Variants in NIPSNAP3B observed in about 807,000 individuals in gnomAD.
NIPSNAP3B encodes nipsnap homolog 3B, also known as protein NipSnap homolog 3B.
In NIPSNAP3B, 30 loss-of-function variants were observed where a neutral mutation model predicts 31.5. The ratio of observed to expected loss-of-function variants is 0.95; its 90% CI spans 0.71 to 1.29. The LOEUF (loss-of-function observed/expected upper bound fraction) is 1.29, where lower values mean the gene tolerates loss of function less well. Among genes scored for constraint, NIPSNAP3B ranks in the 50% most tolerant of loss-of-function variants. The pLI is 0.00. For missense variants in NIPSNAP3B, 269 were observed against 300.7 expected, an observed-to-expected ratio of 0.89 and a Z score of 0.78; for synonymous variants, 106 against 107.9, an observed-to-expected ratio of 0.98 and a Z score of 0.11.
chr9:104,787,727 C>T, the NIPSNAP3B span: 1 of 554,060 alleles, frequency 1.8e-6, no homozygotes, highest in Non-Finnish European at 2.3e-6. Context: ...TATTTGGGAG[C>T]ATCTGCAGGC....
intron 4 of NIPSNAP3B, among the ~76,000 whole-genome samples, chr9:104,771,674 T>C (rs1431829281): frequency 2.0e-5 from 3 of 152,220 alleles, no homozygotes; most frequent in Non-Finnish European, 4.4e-5. Flanking sequence ...TTGTGAATAG[T>C]GCTGCAGTGA....
At chr9:104,789,807 A>G in the NIPSNAP3B span, among the ~76,000 whole-genome samples, 2 of 152,156 alleles carry the variant, frequency 1.3e-5, no homozygotes, top group Non-Finnish European at 2.9e-5. Flanking sequence ...TAATAAGTCC[A>G]GAGAAGCCGG....
the NIPSNAP3B span, among the ~76,000 whole-genome samples, chr9:104,788,250 C>G: frequency 6.6e-6 from 1 of 152,160 alleles, no homozygotes; most frequent in Non-Finnish European, 1.5e-5. Context: ...CCCACCCAGC[C>G]CTGCCCCACC....
At chr9:104,786,511 G>T in the NIPSNAP3B span, 1 of 879,372 alleles carries the variant, frequency 1.1e-6, no homozygotes, top group Non-Finnish European at 1.9e-6. Context: ...AGTACATGTG[G>T]ATATAGGGAT....
chr9:104,790,886 TC>T, the NIPSNAP3B span: 1 of 1,378,464 alleles, frequency 7.3e-7, no homozygotes, highest in Non-Finnish European at 1.0e-6. Context: ...AAAAACAAAG[TC>T]TTTGCAGCAA....
At chr9:104,785,542 C>A in the NIPSNAP3B span, 1 of 1,570,082 alleles carries the variant, frequency 6.4e-7, no homozygotes. Context: ...TCTTTTAGAA[C>A]ACTTCCAGGA....
chr9:104,784,231 CT>C, the NIPSNAP3B span: 1 of 1,568,320 alleles, frequency 6.4e-7, no homozygotes. Flanking sequence ...CAACTTCTGG[CT>C]CTTTTCTCCA....
rs963476356 is a variant in NIPSNAP3B at position 104,773,700 on chromosome 9, A to T, written c.*627A>T. On this transcript the variant is annotated 3_prime_UTR_variant, in exon 6 of 6. Transcript: ENST00000374762. ...ATCTAGAAAAGACTTGTTGGTTTAT[A>T]TGCTGAAATTGTTCATTTATAATTA... 3 of 152,190 alleles carry T rather than the reference A, an allele frequency of 2.0e-5. No individual in the cohort carries two copies. The highest frequency in any genetic ancestry group is 4.4e-5 in the Non-Finnish European group (3 of 68,012). 9.4% of individuals were successfully genotyped at this position (152,190 alleles called of 1,614,324 possible). A position where few individuals can be genotyped will look rare whatever the true frequency, so the allele number is the denominator to read the frequency against.
downstream of NIPSNAP3B, among the ~76,000 whole-genome samples, chr9:104,779,627 T>TG (rs1828418472): frequency 6.6e-6 from 1 of 151,954 alleles, no homozygotes. Context: ...GTGGGTTTTT[T>TG]TTTTTTTTTT....
At chr9:104,786,457 G>A in the NIPSNAP3B span, 1 of 1,358,006 alleles carries the variant, frequency 7.4e-7, no homozygotes, top group Non-Finnish European at 1.1e-6. Context: ...ACATCACCAT[G>A]ACTTCCAGCA....
Position 104,764,203 on chromosome 9 carries a change from ACTCGGCTGG to A in NIPSNAP3B, c.-35_-27del. ...AGACTTCAGAGAAGTCTCACAAAGG[ACTCGGCTGG>A]CTGCTTTTCTCAGTGCCGAAGCCGC... On this transcript the variant is annotated 5_prime_UTR_variant, in exon 1 of 6. Transcript: ENST00000374762. 6.3e-7 allele frequency: 1 copy of A among 1,578,936 alleles called. No individual in the cohort carries two copies. The highest frequency in any genetic ancestry group is 8.6e-7 in the Non-Finnish European group (1 of 1,162,158).
At position 104,764,642 on chromosome 9, in the gene NIPSNAP3B, C is replaced by A. The variant is rs370984588; in HGVS notation, c.60+342C>A. ...GCAACCTCCGCCTCCCGGGTTCAAG[C>A]GATTCTCCTGCCTCATCCTCCGGAG... On this transcript the variant is annotated intron_variant, in intron 1 of 5. Coordinates refer to ENST00000374762, the MANE Select transcript of NIPSNAP3B (RefSeq NM_018376.4). Among the ~76,000 whole-genome samples, 24 of 152,188 alleles carry A rather than the reference C, an allele frequency of 1.6e-4. No homozygotes were observed. In the East Asian group the frequency reaches 4.2e-3, roughly 27 times the overall value.
chr9:104,777,222 C>G lies in NIPSNAP3B; in HGVS notation c.*4149C>G, dbSNP rs1343779313. The G allele has an allele frequency of 6.6e-6, 1 of 152,246 alleles. No individual in the cohort carries two copies. The highest frequency in any genetic ancestry group is 1.5e-5 in the Non-Finnish European group (1 of 68,050). The allele number at this position is 152,246 out of a possible 1,614,324, so 9.4% of individuals were successfully genotyped here. ...CAAATGCCACTTGTAGACTCAAACT[C>G]TGGACTTCATTCTCAGCACCATCTC... On this transcript the variant is annotated 3_prime_UTR_variant, in exon 6 of 6. Coordinates refer to ENST00000374762, the MANE Select transcript of NIPSNAP3B (RefSeq NM_018376.4).
the NIPSNAP3B span, chr9:104,787,710 G>T: frequency 3.0e-6 from 1 of 334,412 alleles, no homozygotes; most frequent in Non-Finnish European, 4.3e-6. Context: ...AGTGCTTGGA[G>T]TGCCTCTATT....
chr9:104,784,307 A>T, the NIPSNAP3B span: 1 of 1,614,068 alleles, frequency 6.2e-7, no homozygotes, highest in African/African-American at 1.3e-5. Context: ...CCGTATGAAC[A>T]GGATTCTTCA....
At chr9:104,788,891 G>A in the NIPSNAP3B span, among the ~76,000 whole-genome samples, 1 of 152,034 alleles carries the variant, frequency 6.6e-6, no homozygotes, top group African/African-American at 2.4e-5. Flanking sequence ...ACTACCCCAG[G>A]GCTTTAACGC....
chr9:104,774,506 G>A lies in NIPSNAP3B; in HGVS notation c.*1433G>A, dbSNP rs1340921433. Among the ~76,000 whole-genome samples the A allele has an allele frequency of 6.6e-6, 1 of 152,182 alleles. No homozygotes were observed. The highest frequency in any genetic ancestry group is 1.5e-5 in the Non-Finnish European group (1 of 68,032). The stretch of plus-strand genomic sequence containing the variant: ...ATTAAAAGTTAACTAAAATACTACA[G>A]AAGACATTTAATATTTTGCTTCAGA... On this transcript the variant is annotated 3_prime_UTR_variant, in exon 6 of 6. Transcript: ENST00000374762.
In NIPSNAP3B at chr9:104,776,764, C is replaced by G. The variant is rs1828346770; in HGVS notation, c.*3691C>G. On this transcript the variant is annotated 3_prime_UTR_variant, in exon 6 of 6. Coordinates refer to ENST00000374762, the MANE Select transcript of NIPSNAP3B (RefSeq NM_018376.4). ...TGATTTGTTAATGTATGTCTCTTCC[C>G]ACTAGAAACCGAATTCTATGACAGC... Among the ~76,000 whole-genome samples the G allele has an allele frequency of 1.3e-5, 2 of 152,132 alleles. No individual in the cohort carries two copies. The highest frequency in any genetic ancestry group is 1.3e-4 in the Admixed American group (2 of 15,274).
the NIPSNAP3B span, chr9:104,783,809 C>T: frequency 6.1e-6 from 1 of 162,746 alleles, no homozygotes; most frequent in Non-Finnish European, 1.4e-5. Flanking sequence ...TTCTGAAAAA[C>T]TTGGCACTAA....
Sources: gnomAD v4.1 joint callset for allele counts (sites outside exome capture counted in the v4.1 genomes callset) on GRCh38, gnomAD v4.1.1 for gene constraint, MANE v1.5 for transcripts, NCBI Gene and HGNC (gene_info 2026-07-23, HGNC 2026-07-21) for gene names.